RPS29: variants seen among roughly 807,000 people sequenced by gnomAD.
The protein encoded by RPS29 is small ribosomal subunit protein uS14.
For missense variants in RPS29, 60 were observed against 75.7 expected (o/e 0.79, Z 0.77); for synonymous variants, 37 against 26.9 (o/e 1.37, Z -1.16).
upstream of RPS29, among the ~76,000 whole-genome samples, chr14:49,588,018 G>A (rs779348171): frequency 6.6e-5 from 10 of 152,200 alleles, no homozygotes; most frequent in Non-Finnish European, 1.3e-4. Context: ...CCAATGTCAA[G>A]CTTTTACAAC....
intron 2 of RPS29, chr14:49,585,735 A>G (rs1881521801): frequency 1.8e-6 from 1 of 546,024 alleles, no homozygotes; most frequent in Admixed American, 3.3e-5. Flanking sequence ...GGGAGTAGGA[A>G]AGACTAAGTC....
At chr14:49,581,901 T>C (rs2139507628), downstream of RPS29, among the ~76,000 whole-genome samples, 1 of 151,018 alleles carries the variant, frequency 6.6e-6, no homozygotes, top group African/African-American at 2.4e-5. Flanking sequence ...GTGTACACCA[T>C]GTCCCAGCTA....
At chr14:49,586,703 G>A (rs992907032), upstream of RPS29, 9 of 273,128 alleles carry the variant, frequency 3.3e-5, no homozygotes, top group African/African-American at 6.5e-5. Flanking sequence ...CACTAAGTTC[G>A]GCATCAATAT....
intron 1 of RPS29, among the ~76,000 whole-genome samples, chr14:49,593,650 G>A (rs550837860): frequency 8.4e-5 from 11 of 130,476 alleles, no homozygotes; most frequent in Non-Finnish European, 1.4e-4. Flanking sequence ...CCGAGATCAC[G>A]GCATCGCACT....
chr14:49,580,683 C>T (rs995375346), downstream of RPS29, among the ~76,000 whole-genome samples: 1 of 151,442 alleles, frequency 6.6e-6, no homozygotes, highest in African/African-American at 2.4e-5. Context: ...AGCAGCCTGG[C>T]CAACATGGTG....
chr14:49,575,631 G>C (rs568551647), exon 3 of RPS29: 44 of 152,298 alleles, frequency 2.9e-4, no homozygotes, highest in African/African-American at 1.0e-3. Context: ...AGGATTGCAT[G>C]AGCCCAGGAG....
At chr14:49,573,170 CA>C (rs1309437069) in exon 3 of RPS29, 1 of 151,162 alleles carries the variant, frequency 6.6e-6, no homozygotes, top group Non-Finnish European at 1.5e-5. Flanking sequence ...AAAGAAAATA[CA>C]AAAAATAAAA....
At chr14:49,571,023 T>G (rs1193836295) in exon 3 of RPS29, 1 of 152,174 alleles carries the variant, frequency 6.6e-6, no homozygotes, top group Non-Finnish European at 1.5e-5. Flanking sequence ...TTATTTTGGG[T>G]ACATGCACCA....
At chr14:49,586,581 C>A, upstream of RPS29, 1 of 548,652 alleles carries the variant, frequency 1.8e-6, no homozygotes, top group Non-Finnish European at 3.3e-6. Flanking sequence ...TATCCGACCG[C>A]CGGGCGCGGT....
In RPS29 at chr14:49,594,590, T is replaced by A. The variant is rs577008826; in HGVS notation, c.-133+3810A>T. On this transcript the variant is annotated intron_variant, in intron 1 of 3. Coordinates refer to the RPS29 transcript ENST00000556230. ...GAAAGTTGCAGATACCAGGATGAAA[T>A]CACTTTTGTCAGAACCAAACAAAAT... Among the ~76,000 whole-genome samples the A allele has an allele frequency of 5.3e-5, 8 of 152,222 alleles. No homozygotes were observed. In the South Asian group the frequency reaches 1.5e-3, roughly 28 times the overall value.
downstream of RPS29, among the ~76,000 whole-genome samples, chr14:49,579,338 T>C (rs1242497010): frequency 6.6e-6 from 1 of 152,216 alleles, no homozygotes; most frequent in Non-Finnish European, 1.5e-5. Flanking sequence ...AAATGTCTGT[T>C]ATTTAAGCCA....
chr14:49,585,078 A>G (rs1212647906), intron 2 of RPS29, among the ~76,000 whole-genome samples: 1 of 152,048 alleles, frequency 6.6e-6, no homozygotes. Flanking sequence ...GCTTTCAAAC[A>G]TTTTGGGTTG....
At chr14:49,595,141 T>G (rs1451126578) in intron 1 of RPS29, among the ~76,000 whole-genome samples, 1 of 152,182 alleles carries the variant, frequency 6.6e-6, no homozygotes, top group East Asian at 1.9e-4. Context: ...GAAAGAGGTC[T>G]GATGCTTAGG....
intron 1 of RPS29, among the ~76,000 whole-genome samples, chr14:49,597,304 G>T (rs142507007): frequency 6.6e-6 from 1 of 151,960 alleles, no homozygotes; most frequent in Non-Finnish European, 1.5e-5. Context: ...CGATCCTCCT[G>T]CCTCGAGCCT....
chr14:49,583,880 C>T (rs983408441), intron 2 of RPS29, among the ~76,000 whole-genome samples: 6 of 152,214 alleles, frequency 3.9e-5, no homozygotes, highest in Non-Finnish European at 8.8e-5. Flanking sequence ...TTTTTAGTAA[C>T]GCTATCGCAC....
At chr14:49,573,803 T>A (rs1235927402) in exon 3 of RPS29, 1 of 152,172 alleles carries the variant, frequency 6.6e-6, no homozygotes, top group Non-Finnish European at 1.5e-5. Flanking sequence ...CACTTAGTCT[T>A]CATGAATGTT....
chr14:49,582,505 T>C (rs1282173149), downstream of RPS29, among the ~76,000 whole-genome samples: 1 of 152,158 alleles, frequency 6.6e-6, no homozygotes, highest in Non-Finnish European at 1.5e-5. Context: ...TCTTTTAACC[T>C]GCTTTTTTTC....
chr14:49,577,537 A>G, exon 3 of RPS29: 4 of 590,372 alleles, frequency 6.8e-6, no homozygotes, highest in Non-Finnish European at 1.2e-5. Context: ...GCTCACCAGC[A>G]GTACTTCCAG....
At chr14:49,571,852 A>G (rs1881064566) in exon 3 of RPS29, 1 of 152,214 alleles carries the variant, frequency 6.6e-6, no homozygotes, top group African/African-American at 2.4e-5. Context: ...TAATAAAACA[A>G]TTGTAAATAC....
Sources: allele counts gnomAD v4.1 joint callset (sites outside exome capture counted in the v4.1 genomes callset), GRCh38; gene constraint gnomAD v4.1.1; transcripts MANE v1.5; gene names NCBI Gene and HGNC (gene_info 2026-07-23, HGNC 2026-07-21).